Variants in PRKDC observed in about 807,000 individuals in gnomAD.
The protein encoded by PRKDC is protein kinase, DNA-activated, catalytic subunit.
PRKDC carries 82 observed loss-of-function variants against 486.9 expected under a neutral mutation model. The ratio of observed to expected loss-of-function variants is 0.17; its 90% CI spans 0.14 to 0.20. The LOEUF is 0.20. PRKDC is among the 10% of genes least tolerant of loss of function. PRKDC has a pLI of 1.00. For missense variants in PRKDC, 4,504 were observed against 5,038.2 expected, an observed-to-expected ratio of 0.89 and a Z score of 3.21; for synonymous variants, 1,895 against 1,837.0, an observed-to-expected ratio of 1.03 and a Z score of -0.81.
chr8:47,832,546 G>GA (rs2087910420), intron 59 of PRKDC, among the ~76,000 whole-genome samples: 1 of 152,104 alleles, frequency 6.6e-6, no homozygotes, highest in African/African-American at 2.4e-5. Context: ...TTCAGAGCAT[G>GA]AAAAAAAGCT....
Position 47,778,365 on chromosome 8 carries a change from G to C in PRKDC, c.11853+94C>G, listed in dbSNP as rs2086641282. 5 of 1,342,242 alleles carry C rather than the reference G, an allele frequency of 3.7e-6. 1 individual carries two copies. In the Admixed American group the frequency reaches 1.1e-4, roughly 30 times the overall value. The allele number at this position is 1,342,242 out of a possible 1,614,324, so 83.1% of individuals were successfully genotyped here. A position where few individuals can be genotyped will look rare whatever the true frequency, so the allele number is the denominator to read the frequency against. On this transcript the variant is annotated intron_variant, in intron 83 of 85. Transcript: ENST00000314191. ...ACAAAACGAATCTAACTAATATGTT[G>C]TTTTTCCTTAAAAACTGTCTATTTC...
At position 47,904,912 on chromosome 8, in the gene PRKDC, T is replaced by G. The variant is rs1279719112; in HGVS notation, c.2999A>C (p.Lys1000Thr). The G allele has an allele frequency of 6.2e-7, 1 of 1,613,728 alleles. No individual in the cohort carries two copies. Among genetic ancestry groups the G allele is most frequent in the South Asian group, 1.1e-5 (1 of 91,034 alleles). Residue 1000 changes from lysine to threonine, a missense_variant, in exon 26 of 86, where the codon AAA (lysine) becomes ACA (threonine). Physicochemically the swap from Lys to Thr is moderately conservative, Grantham distance 78 (BLOSUM62 -1). Around this residue, in one of 6 missense-constraint regions of PRKDC, gnomAD observed 1,969 missense variants for 2,068.9 expected, o/e 0.95. Transcript: ENST00000314191. Reference sequence around the variant, plus strand: ...GGCAACAGTATCCTGACTTTCAAATTTCTTGTTGTTAGTGAACCAGTGAAT... The same window carrying G: ...GGCAACAGTATCCTGACTTTCAAATGTCTTGTTGTTAGTGAACCAGTGAAT... Reference protein sequence around the residue: ...QLIHWFTNNKKFESQDTVALL... With the variant: ...QLIHWFTNNKTFESQDTVALL...
At chr8:47,913,801 T>A in intron 24 of PRKDC, 100 bp downstream of exon 24, 1 of 1,172,182 alleles carries the variant, frequency 8.5e-7, no homozygotes. Flanking sequence ...ACAAAATTAC[T>A]AATATTGGAA....
chr8:47,833,993 T>C (rs1296409796), intron 59 of PRKDC, among the ~76,000 whole-genome samples: 2 of 152,226 alleles, frequency 1.3e-5, no homozygotes, highest in East Asian at 1.9e-4. Context: ...GGATCGAGTA[T>C]AACTTACTGA....
At chr8:47,858,410 T>C in intron 48 of PRKDC, 106 bp downstream of exon 48, 1 of 1,140,476 alleles carries the variant, frequency 8.8e-7, no homozygotes, top group East Asian at 2.9e-5. Flanking sequence ...CTTTTTTGTG[T>C]GTGTTTTTAA....
At chr8:47,913,865 G>A (rs1405045393) in intron 24 of PRKDC, 36 bp downstream of exon 24, 1 of 1,557,336 alleles carries the variant, frequency 6.4e-7, no homozygotes, top group Non-Finnish European at 8.7e-7. Context: ...AAAGCAATAG[G>A]ATCTAAATAA....
chr8:47,940,699 G>A (rs1033029251), intron 10 of PRKDC, among the ~76,000 whole-genome samples: 2 of 152,136 alleles, frequency 1.3e-5, no homozygotes, highest in African/African-American at 4.8e-5. Context: ...TGTATTCCCA[G>A]TAAGCATGTT....
intron 73 of PRKDC, among the ~76,000 whole-genome samples, chr8:47,795,147 A>G (rs967394767): frequency 1.3e-4 from 20 of 150,162 alleles, no homozygotes; most frequent in African/African-American, 4.9e-4. Flanking sequence ...CGGCCTCCCA[A>G]AGTGCTGGGA....
rs1354163742 is a variant in PRKDC, at chr8:47,836,769, GT to G, written c.7762-243del. Among the ~76,000 whole-genome samples, 8 of 152,322 alleles carry G rather than the reference GT, an allele frequency of 5.3e-5. No homozygotes were observed. The East Asian group carries it at 7.7e-4, about 15-fold the overall frequency. On this transcript the variant is annotated intron_variant, in intron 57 of 85. Coordinates refer to ENST00000314191, the MANE Select transcript of PRKDC (RefSeq NM_006904.7). ...GCTTTCTTAATGTTTGCATAAAAAG[GT>G]TTGATATCATGCTCAGCACCACAAC...
intron 73 of PRKDC, among the ~76,000 whole-genome samples, chr8:47,796,814 G>A (rs1318755504): frequency 3.3e-5 from 5 of 151,952 alleles, no homozygotes; most frequent in African/African-American, 9.7e-5. Flanking sequence ...GGCTGGTCTC[G>A]AACTGCTGAC....
intron 40 of PRKDC, among the ~76,000 whole-genome samples, chr8:47,872,252 C>T (rs2088970019): frequency 6.6e-6 from 1 of 151,824 alleles, no homozygotes; most frequent in Admixed American, 6.6e-5. Flanking sequence ...GCAAGCCTCA[C>T]GGTAACCTCA....
intron 40 of PRKDC, among the ~76,000 whole-genome samples, chr8:47,876,268 A>G (rs535630439): frequency 8.5e-4 from 130 of 152,340 alleles, no homozygotes; most frequent in African/African-American, 2.9e-3. Flanking sequence ...ACAAATTTAC[A>G]TGGATATTTA....
intron 7 of PRKDC, among the ~76,000 whole-genome samples, chr8:47,949,810 A>G (rs1394561659): frequency 6.6e-6 from 1 of 152,180 alleles, no homozygotes; most frequent in Non-Finnish European, 1.5e-5. Flanking sequence ...CTACTCTAAC[A>G]ATCTTGATAA....
intron 54 of PRKDC, among the ~76,000 whole-genome samples, chr8:47,841,603 C>T (rs1346586869): frequency 2.6e-5 from 4 of 152,204 alleles, no homozygotes; most frequent in African/African-American, 7.2e-5. Context: ...CTAAGCACAT[C>T]GTTCAGGAAT....
rs545561561 is a variant in PRKDC at position 47,939,964 on chromosome 8, A to C, written c.967-267T>G. The C allele has an allele frequency of 1.2e-3, 272 of 231,764 alleles. 2 individuals are homozygous for C. Among genetic ancestry groups the C allele is most frequent in the African/African-American group, 5.6e-3 (248 of 44,332 alleles). 14.4% of individuals were successfully genotyped at this position (231,764 alleles called of 1,614,324 possible). The stretch of plus-strand genomic sequence containing the variant: ...CACATAAGTCTGAAAAAAAAAAAAA[A>C]AAAAAACCAAAAACAGGTTTTGAAT... On this transcript the variant is annotated intron_variant, in intron 10 of 85. Coordinates refer to ENST00000314191, the MANE Select transcript of PRKDC (RefSeq NM_006904.7).
rs8178108 is a variant in PRKDC, at chr8:47,881,610, T to C, written c.4963-90A>G. The C allele has an allele frequency of 0.042, 29,822 of 716,462 alleles. 811 individuals carry two copies. The highest frequency in any genetic ancestry group is 0.051 in the Middle Eastern group (209 of 4,132). 44.4% of individuals were successfully genotyped at this position (716,462 alleles called of 1,614,324 possible). A position where few individuals can be genotyped will look rare whatever the true frequency, so the allele number is the denominator to read the frequency against. ...TGCTCAAATGTTTAAATTCCAGAAATGAATTGTTAATTTAATTTTGGGCTT... is the reference window on the plus strand; with the variant it reads ...TGCTCAAATGTTTAAATTCCAGAAACGAATTGTTAATTTAATTTTGGGCTT... On this transcript the variant is annotated intron_variant, in intron 37 of 85. Transcript: ENST00000314191.
rs1165766260 is a variant in PRKDC, at chr8:47,782,919, C to T, written c.11176-321G>A. On this transcript the variant is annotated intron_variant, in intron 78 of 85. Transcript: ENST00000314191. This position sits in a 1 kb window ranked among gnomAD's most constrained non-coding sequence, Gnocchi z 4.9. ...TTTTATAGTGGATACTCACACACAG[C>T]TTACTCTTTGAGTTTATGATATCTT... 1 of 358,654 alleles carries T rather than the reference C, an allele frequency of 2.8e-6. No individual in the cohort carries two copies. Among genetic ancestry groups the T allele is most frequent in the Non-Finnish European group, 5.2e-6 (1 of 192,828 alleles). 22.2% of individuals were successfully genotyped at this position (358,654 alleles called of 1,614,324 possible).
intron 3 of PRKDC, among the ~76,000 whole-genome samples, chr8:47,956,675 C>T (rs1183649986): frequency 6.6e-6 from 1 of 151,658 alleles, no homozygotes; most frequent in Non-Finnish European, 1.5e-5. Context: ...TGCACTCCAG[C>T]CTGGATGACA....
chr8:47,815,312 T>C (rs900862999), intron 68 of PRKDC, among the ~76,000 whole-genome samples: 8 of 152,068 alleles, frequency 5.3e-5, no homozygotes, highest in African/African-American at 1.9e-4. Flanking sequence ...TTCAAAAAAA[T>C]TGCCAAGGTG....
Sources: allele counts gnomAD v4.1 joint callset (sites outside exome capture counted in the v4.1 genomes callset), GRCh38; gene constraint gnomAD v4.1.1; regional missense constraint gnomAD v4.1.1; non-coding constraint Gnocchi (gnomAD v3.1); transcripts MANE v1.5; gene names NCBI Gene and HGNC (gene_info 2026-07-23, HGNC 2026-07-21).